Variants in NLRP9 observed in about 807,000 individuals in gnomAD.
NLRP9 encodes the protein NLR family pyrin domain containing 9.
A neutral mutation model predicts 83.1 loss-of-function variants in NLRP9; 88 were observed. The observed-to-expected ratio is 1.06, with a 90% CI of 0.89 to 1.26. The LOEUF is 1.26. NLRP9 is among the 50% of genes most tolerant of loss of function. NLRP9 has a pLI of 0.00. For synonymous variants in NLRP9, 521 were observed against 447.6 expected (o/e 1.16, Z -2.07); for missense variants, 1,308 against 1,179.3 (o/e 1.11, Z -1.60).
At chr19:55,712,689 G>T in intron 6 of NLRP9, 99 bp from the exon 7 acceptor site, 5 of 794,006 alleles carry the variant, frequency 6.3e-6, no homozygotes, top group Non-Finnish European at 7.5e-6. Flanking sequence ...AAATACCCAA[G>T]TAAATCTGAG....
rs778015523 is a variant in NLRP9, at chr19:55,732,014, G to C, written c.1817C>G (p.Ser606Ter). Residue 606 changes from serine (S) to a stop codon, truncating the protein, a stop_gained, in exon 2 of 9, where the codon TCA (serine) becomes TGA (stop). Coordinates refer to ENST00000332836, the MANE Select transcript of NLRP9 (RefSeq NM_176820.4). LOFTEE classifies it high-confidence loss of function. ...MCVENIFPDD[S>*]GCISDYNEKL... is the part of the protein sequence containing the mutation. ...ACAGACTCACTCTGAGATGCATCCT[G>C]AGTCATCTGGAAAGATATTCTCCAC... is the stretch of plus-strand genomic sequence containing the variant. 3.8e-6 allele frequency: 6 copies of C among 1,567,964 alleles called. No individual in the cohort carries two copies. Among genetic ancestry groups the C allele is most frequent in the Middle Eastern group, 1.7e-4 (1 of 5,810 alleles).
chr19:55,718,719 G>A (rs966513470), intron 4 of NLRP9, among the ~76,000 whole-genome samples: 1 of 152,146 alleles, frequency 6.6e-6, no homozygotes, highest in African/African-American at 2.4e-5. Context: ...AAATACTGAG[G>A]GAACTCAGAG....
chr19:55,732,215 G>A lies in NLRP9; in HGVS notation c.1616C>T (p.Ala539Val), dbSNP rs764547348. ...AATGAATAGTTCCTGGAAAGCTATG[G>A]CTTCCCTATCAGCTTCACATTGACT... ...SLSQCEADRE[A>V]IAFQELFIGL... The change falls in exon 2 of 9, where the codon GCC (alanine) becomes GTC (valine). Residue 539 changes from alanine to valine, a missense_variant. By Grantham distance (64) the Ala-to-Val change is moderately conservative. Transcript: ENST00000332836. The A allele has an allele frequency of 6.2e-7, 1 of 1,613,642 alleles. No homozygotes were observed. The highest frequency in any genetic ancestry group is 8.5e-7 in the Non-Finnish European group (1 of 1,179,642).
At chr19:55,713,428 A>C in intron 6 of NLRP9, among the ~76,000 whole-genome samples, 1 of 151,796 alleles carries the variant, frequency 6.6e-6, no homozygotes, top group Non-Finnish European at 1.5e-5. Flanking sequence ...ACCCACACTC[A>C]CACATATATA....
At chr19:55,731,340 A>C (rs1334357910) in intron 2 of NLRP9, among the ~76,000 whole-genome samples, 1 of 151,872 alleles carries the variant, frequency 6.6e-6, no homozygotes, top group Admixed American at 6.6e-5. Context: ...AGAAAAGCAC[A>C]GTCTGACAAC....
intron 3 of NLRP9, among the ~76,000 whole-genome samples, chr19:55,725,389 A>G (rs912842044): frequency 6.6e-6 from 1 of 152,232 alleles, no homozygotes. Context: ...GCGTTACAGC[A>G]GATGAGCGCA....
chr19:55,730,524 T>C (rs10410676), intron 2 of NLRP9, among the ~76,000 whole-genome samples: 11,030 of 151,178 alleles, frequency 0.073, 453 homozygotes, highest in Non-Finnish European at 0.089. Context: ...CCATCAATGA[T>C]AGACTGGATA....
intron 6 of NLRP9, among the ~76,000 whole-genome samples, chr19:55,713,296 T>C (rs897700760): frequency 4.0e-5 from 6 of 151,568 alleles, no homozygotes; most frequent in African/African-American, 7.3e-5. Flanking sequence ...CTAATACAGA[T>C]AGACAGAAAA....
intron 3 of NLRP9, among the ~76,000 whole-genome samples, chr19:55,728,325 C>T (rs1355957985): frequency 6.6e-6 from 1 of 152,070 alleles, no homozygotes; most frequent in Non-Finnish European, 1.5e-5. Context: ...GTCTGTAATC[C>T]CAGCACTTTG....
chr19:55,719,689 A>T (rs554839673), intron 4 of NLRP9, among the ~76,000 whole-genome samples: 9 of 152,246 alleles, frequency 5.9e-5, no homozygotes, highest in African/African-American at 1.7e-4. Flanking sequence ...CTCTCCTGTC[A>T]GACCAAGAGG....
At chr19:55,728,101 A>G (rs536992786) in intron 3 of NLRP9, among the ~76,000 whole-genome samples, 1 of 152,318 alleles carries the variant, frequency 6.6e-6, no homozygotes, top group South Asian at 2.1e-4. Flanking sequence ...TAAGGATTCA[A>G]TGTCCGTGGT....
At position 55,733,144 on chromosome 19, in the gene NLRP9, G is replaced by A; in HGVS notation, c.687C>T (p.Gly229=). ...QPERILFIMD[G]FEQLKFNLQL... Reference sequence around the variant, plus strand: ...GTAAGTTAAACTTCAGTTGCTCAAAGCCATCCATGATGAACAGAATTCTCT... The same window carrying A: ...GTAAGTTAAACTTCAGTTGCTCAAAACCATCCATGATGAACAGAATTCTCT... Residue 229 remains glycine, a synonymous_variant, in exon 2 of 9, where the codon GGC becomes GGT. Transcript: ENST00000332836. 2 of 1,614,122 alleles carry A rather than the reference G, an allele frequency of 1.2e-6. No individual in the cohort carries two copies. The highest frequency in any genetic ancestry group is 1.7e-6 in the Non-Finnish European group (2 of 1,180,020).
In NLRP9 at chr19:55,737,734, T is replaced by TAAAAAAAAAAAAAAAAAAAAAAAAAAAA. The variant is rs57736610; in HGVS notation, c.280+360_280+361insTTTTTTTTTTTTTTTTTTTTTTTTTTTT. 7.5e-5 allele frequency: 6 copies of TAAAAAAAAAAAAAAAAAAAAAAAAAAAA among 79,652 alleles called. 1 individual carries two copies. Among genetic ancestry groups the TAAAAAAAAAAAAAAAAAAAAAAAAAAAA allele is most frequent in the Admixed American group, 5.6e-4 (4 of 7,104 alleles). 4.9% of individuals were successfully genotyped at this position (79,652 alleles called of 1,614,324 possible). A position where few individuals can be genotyped will look rare whatever the true frequency, so the allele number is the denominator to read the frequency against. ...GAGCAACATGGCAAGACCCTTTCTC[T>TAAAAAAAAAAAAAAAAAAAAAAAAAAAA]AAAAAAAAAAAAAAAAAAAAAAAAA... is the stretch of plus-strand genomic sequence containing the variant. On this transcript the variant is annotated intron_variant, in intron 1 of 8. Transcript: ENST00000332836.
At chr19:55,717,690 G>C (rs1464947892) in intron 4 of NLRP9, among the ~76,000 whole-genome samples, 1 of 152,164 alleles carries the variant, frequency 6.6e-6, no homozygotes, top group African/African-American at 2.4e-5. Context: ...GGCCGGAGAC[G>C]GGAGGGCAGC....
Position 55,716,888 on chromosome 19 carries a change from A to G in NLRP9, c.2170T>C (p.Cys724Arg), listed in dbSNP as rs1321148724. The G allele has an allele frequency of 2.5e-6, 4 of 1,613,658 alleles. No individual in the cohort carries two copies. The highest frequency in any genetic ancestry group is 1.7e-6 in the Non-Finnish European group (2 of 1,179,808). ...CKIEELILGK[C>R]DISSEVCEDI... Reference sequence around the variant, plus strand: ...TCACAAACTTCACTGGAGATGTCACACTTTCCCAGTCTACATGTGAAACAC... The same window carrying G: ...TCACAAACTTCACTGGAGATGTCACGCTTTCCCAGTCTACATGTGAAACAC... Residue 724 changes from cysteine to arginine, a missense_variant, in exon 5 of 9, where the codon TGT becomes CGT. Coordinates refer to ENST00000332836, the MANE Select transcript of NLRP9 (RefSeq NM_176820.4).
intron 1 of NLRP9, among the ~76,000 whole-genome samples, chr19:55,733,919 A>AATTTTT (rs1555796186): frequency 1.5e-4 from 18 of 117,868 alleles, no homozygotes; most frequent in Non-Finnish European, 2.7e-4. Flanking sequence ...TGTCAACCAA[A>AATTTTT]TTTTTTTTTT....
Position 55,715,189 on chromosome 19 carries a change from G to A in NLRP9, c.2367C>T (p.Asp789=), listed in dbSNP as rs1484496837. ...TGCACAAGAGGACTTCGGAAATGGA[G>A]TCACAGGAGACAGAGGTGAGACAGC... is the stretch of plus-strand genomic sequence containing the variant. ...MYCCLTSVSC[D]SISEVLLCSK... is the part of the protein sequence containing the mutation. The change falls in exon 6 of 9, where the codon GAC becomes GAT. Residue 789 remains aspartate (D), a synonymous_variant. Coordinates refer to ENST00000332836, the MANE Select transcript of NLRP9 (RefSeq NM_176820.4). 1 of 1,613,382 alleles carries A rather than the reference G, an allele frequency of 6.2e-7. No homozygotes were observed. The highest frequency in any genetic ancestry group is 1.7e-5 in the Admixed American group (1 of 59,974).
intron 2 of NLRP9, 125 bp from the exon 3 acceptor site, chr19:55,730,117 A>G: frequency 1.2e-6 from 1 of 808,002 alleles, no homozygotes; most frequent in Non-Finnish European, 1.9e-6. Flanking sequence ...GAACAGGGAG[A>G]AGGTCAGCCA....
intron 1 of NLRP9, among the ~76,000 whole-genome samples, chr19:55,733,919 ATTTTTTTTT>A (rs765779528): frequency 1.7e-5 from 2 of 117,872 alleles, no homozygotes; most frequent in African/African-American, 7.2e-5. Context: ...TGTCAACCAA[ATTTTTTTTT>A]TTTTTTTTTT....
Sources: allele counts gnomAD v4.1 joint callset (sites outside exome capture counted in the v4.1 genomes callset), GRCh38; gene constraint gnomAD v4.1.1; transcripts MANE v1.5; gene names NCBI Gene and HGNC (gene_info 2026-07-23, HGNC 2026-07-21).